Variants in CACNA1E observed in about 807,000 individuals in gnomAD.
The protein encoded by CACNA1E is voltage-dependent R-type calcium channel subunit alpha-1E.
In CACNA1E, 40 loss-of-function variants were observed where a neutral mutation model predicts 259.2. That is an observed-to-expected ratio of 0.15 (90% CI 0.12 to 0.20). The LOEUF (loss-of-function observed/expected upper bound fraction) is 0.20. Ranked by LOEUF, CACNA1E falls within the 10% of genes least tolerant of loss-of-function variation. CACNA1E has a pLI of 1.00. For missense variants in CACNA1E, 1,874 were observed against 3,040.1 expected (o/e 0.62, Z 9.02); for synonymous variants, 1,104 against 1,138.5 (o/e 0.97, Z 0.61).
chr1:181,346,892 G>C (rs1652634451), intron 1 of CACNA1E, among the ~76,000 whole-genome samples: 1 of 152,138 alleles, frequency 6.6e-6, no homozygotes, highest in African/African-American at 2.4e-5. Context: ...CTCTATGGAA[G>C]CAAACCCCGG....
chr1:181,428,410 C>T (rs987551313), intron 2 of CACNA1E, among the ~76,000 whole-genome samples: 2 of 152,102 alleles, frequency 1.3e-5, no homozygotes, highest in Non-Finnish European at 2.9e-5. Flanking sequence ...CACTGTGGCT[C>T]AGCTAGGGGC....
At chr1:181,555,579 C>CA (rs1211811759) in intron 3 of CACNA1E, among the ~76,000 whole-genome samples, 1 of 152,190 alleles carries the variant, frequency 6.6e-6, no homozygotes, top group Non-Finnish European at 1.5e-5. Flanking sequence ...TCTCCTGTGG[C>CA]ACCTGCAGCC....
chr1:181,640,345 T>A (rs1572457833), intron 6 of CACNA1E, among the ~76,000 whole-genome samples: 1 of 152,214 alleles, frequency 6.6e-6, no homozygotes, highest in Admixed American at 6.5e-5. Flanking sequence ...TGTAGACTTA[T>A]TGAGCATGTC....
At chr1:181,588,729 G>T (rs549293766) in intron 6 of CACNA1E, among the ~76,000 whole-genome samples, 1 of 152,310 alleles carries the variant, frequency 6.6e-6, no homozygotes, top group East Asian at 1.9e-4. Flanking sequence ...CTAATATGCG[G>T]TTTAATTTCT....
chr1:181,605,363 T>C (rs1311633345), intron 6 of CACNA1E, among the ~76,000 whole-genome samples: 1 of 152,150 alleles, frequency 6.6e-6, no homozygotes, highest in African/African-American at 2.4e-5. Flanking sequence ...GTTCTGCCTA[T>C]GTGCATTGTC....
At chr1:181,607,112 A>G (rs560572931) in intron 6 of CACNA1E, among the ~76,000 whole-genome samples, 1 of 152,140 alleles carries the variant, frequency 6.6e-6, no homozygotes, top group Non-Finnish European at 1.5e-5. Flanking sequence ...TGTCTCCAGG[A>G]TATGGCACCC....
chr1:181,771,208 G>C (rs1659478441), intron 35 of CACNA1E, 85 bp from the exon 36 acceptor site: 1 of 710,270 alleles, frequency 1.4e-6, no homozygotes, highest in East Asian at 2.8e-5. Context: ...GAAGAGCCAT[G>C]CAAGTGGCTT....
At chr1:181,507,680 C>CT (rs1472820930) in intron 1 of CACNA1E, among the ~76,000 whole-genome samples, 1 of 152,152 alleles carries the variant, frequency 6.6e-6, no homozygotes. Flanking sequence ...GAAGCCTGTG[C>CT]TTATCACTTT....
intron 7 of CACNA1E, among the ~76,000 whole-genome samples, chr1:181,656,365 T>C (rs1166428706): frequency 6.6e-6 from 1 of 152,060 alleles, no homozygotes; most frequent in Non-Finnish European, 1.5e-5. Context: ...TAGGCTAGTG[T>C]GTGTGTTTGT....
intron 1 of CACNA1E, among the ~76,000 whole-genome samples, chr1:181,325,563 C>T (rs1184305372): frequency 6.6e-6 from 1 of 152,228 alleles, no homozygotes; most frequent in East Asian, 1.9e-4. Flanking sequence ...GAGTCTCATG[C>T]ACGTTAGTTT....
chr1:181,481,790 G>C (rs1197742490), upstream of CACNA1E, among the ~76,000 whole-genome samples: 1 of 151,916 alleles, frequency 6.6e-6, no homozygotes, highest in Non-Finnish European at 1.5e-5. Context: ...CTGGGGCTTG[G>C]AGTCCACCTT....
chr1:181,714,627 C>T (rs1019879107), intron 8 of CACNA1E, among the ~76,000 whole-genome samples: 11 of 152,200 alleles, frequency 7.2e-5, no homozygotes, highest in Non-Finnish European at 1.0e-4. Context: ...CTATCCAGGG[C>T]CCCTCTCTCC....
At chr1:181,538,752 A>G (rs1668360689) in intron 3 of CACNA1E, among the ~76,000 whole-genome samples, 1 of 152,208 alleles carries the variant, frequency 6.6e-6, no homozygotes, top group Non-Finnish European at 1.5e-5. Flanking sequence ...GGGAAAGGGC[A>G]TTCAGTCAGG....
At chr1:181,512,256 C>A (rs1038570145) in intron 3 of CACNA1E, among the ~76,000 whole-genome samples, 4 of 152,158 alleles carry the variant, frequency 2.6e-5, no homozygotes, top group African/African-American at 9.7e-5. Flanking sequence ...GACGGGCAGG[C>A]CTTCCTGGGC....
At position 181,634,402 on chromosome 1, in the gene CACNA1E, G is replaced by A. The variant is rs535253630; in HGVS notation, c.952-16936G>A. 4.6e-5 allele frequency among the ~76,000 whole-genome samples: 7 copies of A among 152,268 alleles called. No homozygotes were observed. In the South Asian group the frequency reaches 1.2e-3, roughly 27 times the overall value. On this transcript the variant is annotated intron_variant, in intron 6 of 47. Coordinates refer to ENST00000367573, the MANE Select transcript of CACNA1E (RefSeq NM_001205293.3). ...GTCATTTGCTTCCCTCTCTCAAGAG[G>A]CAAGAGAGAAAGCGAGACTGTCTTC... is the stretch of plus-strand genomic sequence containing the variant.
chr1:181,347,925 C>T (rs976498380), intron 1 of CACNA1E, among the ~76,000 whole-genome samples: 4 of 152,204 alleles, frequency 2.6e-5, no homozygotes, highest in Admixed American at 6.5e-5. Context: ...TTTGCATAGG[C>T]GTTAATTATT....
intron 3 of CACNA1E, among the ~76,000 whole-genome samples, chr1:181,524,304 T>C (rs2102691306): frequency 6.6e-6 from 1 of 152,342 alleles, no homozygotes; most frequent in South Asian, 2.1e-4. Flanking sequence ...TATGTTTCCT[T>C]TTTTAAAAAA....
chr1:181,662,659 A>G (rs1647803291), intron 7 of CACNA1E, among the ~76,000 whole-genome samples: 1 of 152,236 alleles, frequency 6.6e-6, no homozygotes, highest in Non-Finnish European at 1.5e-5. Context: ...AATAAATGTT[A>G]GCTGTTAGTA....
intron 6 of CACNA1E, among the ~76,000 whole-genome samples, chr1:181,630,865 A>G (rs183220): frequency 0.74 from 111,860 of 151,982 alleles, 43,071 homozygotes; most frequent in East Asian, 0.95. Context: ...GTCTATTCTC[A>G]GCCAGAGGTC....
Sources: allele counts gnomAD v4.1 joint callset (sites outside exome capture counted in the v4.1 genomes callset), GRCh38; gene constraint gnomAD v4.1.1; transcripts MANE v1.5; gene names NCBI Gene and HGNC (gene_info 2026-07-23, HGNC 2026-07-21).